The following OR51B5 variants were observed in gnomAD, a reference collection of about 807,000 sequenced individuals.
OR51B5 encodes the protein olfactory receptor 51B5.
For missense variants in OR51B5, 456 were observed against 374.6 expected, an observed-to-expected ratio of 1.22 and a Z score of -1.79; for synonymous variants, 186 against 144.8, an observed-to-expected ratio of 1.28 and a Z score of -2.04.
At chr11:5,490,090 A>C (rs1279965694) in intron 1 of OR51B5, among the ~76,000 whole-genome samples, 1 of 152,240 alleles carries the variant, frequency 6.6e-6, no homozygotes, top group African/African-American at 2.4e-5. Context: ...GTATAAAGTC[A>C]GAGTGCCTGC....
Position 5,389,362 on chromosome 11 carries a change from A to G in OR51B5, n.85-42452T>C, listed in dbSNP as rs1236129296. On this transcript the variant is annotated intron_variant and non_coding_transcript_variant, in intron 1 of 4. Coordinates refer to the OR51B5 transcript ENST00000415970. ...TAGTGAAGCTGAAGAATTAATAACC[A>G]GAAATATCCATTTATTTTCAGCTCA... 6 of 1,588,378 alleles carry G rather than the reference A, an allele frequency of 3.8e-6. No homozygotes were observed. The African/African-American group carries it at 8.1e-5, about 21-fold the overall frequency.
chr11:5,454,065 A>G (rs756291989), intron 1 of OR51B5: 2 of 1,614,026 alleles, frequency 1.2e-6, no homozygotes, highest in South Asian at 1.1e-5. Flanking sequence ...TGCTGATATC[A>G]GTATCAACAG....
At chr11:5,455,690 A>C (rs1850946954) in intron 1 of OR51B5, 1 of 152,198 alleles carries the variant, frequency 6.6e-6, no homozygotes, top group African/African-American at 2.4e-5. Flanking sequence ...GAAACCACGT[A>C]GTAGCAAAGC....
chr11:5,348,404 G>C (rs768988994), upstream of OR51B5, among the ~76,000 whole-genome samples: 26 of 152,166 alleles, frequency 1.7e-4, no homozygotes, highest in Non-Finnish European at 3.5e-4. Flanking sequence ...TAGAAGTCCA[G>C]ATAAGTGCCA....
At chr11:5,352,443 A>G in intron 1 of OR51B5, 3 of 1,572,874 alleles carry the variant, frequency 1.9e-6, no homozygotes, top group East Asian at 2.2e-5. Flanking sequence ...ACTCTAGAGC[A>G]TGACATTGTT....
At chr11:5,400,318 A>G (rs1849946950) in intron 1 of OR51B5, among the ~76,000 whole-genome samples, 1 of 152,218 alleles carries the variant, frequency 6.6e-6, no homozygotes. Context: ...TTTTCATGAT[A>G]GCAAAAATAT....
At chr11:5,366,158 G>C (rs1036786326) in intron 1 of OR51B5, among the ~76,000 whole-genome samples, 1 of 152,168 alleles carries the variant, frequency 6.6e-6, no homozygotes, top group African/African-American at 2.4e-5. Flanking sequence ...AACAGTATGT[G>C]AAGAGGATAG....
chr11:5,422,140 T>C, intron 1 of OR51B5: 1 of 1,264,022 alleles, frequency 7.9e-7, no homozygotes, highest in Non-Finnish European at 1.1e-6. Flanking sequence ...GAGATATTAT[T>C]TCTAATGTTT....
At chr11:5,372,310 A>G (rs978014502) in intron 1 of OR51B5, among the ~76,000 whole-genome samples, 1 of 151,752 alleles carries the variant, frequency 6.6e-6, no homozygotes, top group Non-Finnish European at 1.5e-5. Context: ...TTCATCATAC[A>G]ATAACTCTAT....
At chr11:5,394,089 T>G (rs1313164263) in intron 1 of OR51B5, among the ~76,000 whole-genome samples, 1 of 152,132 alleles carries the variant, frequency 6.6e-6, no homozygotes, top group Non-Finnish European at 1.5e-5. Context: ...TAGACTTGAT[T>G]TTAAGAGTTA....
chr11:5,423,697 A>G (rs1008992210), intron 1 of OR51B5, among the ~76,000 whole-genome samples: 5 of 152,168 alleles, frequency 3.3e-5, no homozygotes, highest in Non-Finnish European at 7.4e-5. Flanking sequence ...ACCAGCACTT[A>G]CCTAATCTGA....
At chr11:5,444,114 C>T (rs1345087372) in intron 1 of OR51B5, among the ~76,000 whole-genome samples, 1 of 152,128 alleles carries the variant, frequency 6.6e-6, no homozygotes, top group Non-Finnish European at 1.5e-5. Flanking sequence ...CACACAGTGT[C>T]ACAAATGCAT....
chr11:5,439,255 G>A (rs1287801814), intron 1 of OR51B5, among the ~76,000 whole-genome samples: 1 of 152,132 alleles, frequency 6.6e-6, no homozygotes, highest in East Asian at 1.9e-4. Flanking sequence ...TGACTGTGGG[G>A]TGGCTGGAAA....
chr11:5,397,136 AGGCATG>A (rs1164167246), intron 1 of OR51B5, among the ~76,000 whole-genome samples: 1 of 152,238 alleles, frequency 6.6e-6, no homozygotes, highest in African/African-American at 2.4e-5. Flanking sequence ...TTCAGGACAT[AGGCATG>A]GGCATGGACT....
chr11:5,466,603 T>C (rs777477075), intron 1 of OR51B5, among the ~76,000 whole-genome samples: 2 of 152,252 alleles, frequency 1.3e-5, no homozygotes, highest in Non-Finnish European at 2.9e-5. Context: ...TGATGTCTTT[T>C]ATTTTTGCTC....
intron 1 of OR51B5, among the ~76,000 whole-genome samples, chr11:5,369,637 T>C (rs1048834990): frequency 6.6e-5 from 10 of 152,172 alleles, no homozygotes; most frequent in African/African-American, 2.4e-4. Flanking sequence ...TATCCTTACC[T>C]TTCTATCCTC....
intron 1 of OR51B5, among the ~76,000 whole-genome samples, chr11:5,462,384 CG>C (rs1243197759): frequency 6.6e-6 from 1 of 152,100 alleles, no homozygotes; most frequent in Non-Finnish European, 1.5e-5. Context: ...AGGGGAAAGG[CG>C]AAAGGAGAAC....
At chr11:5,458,947 C>A (rs180737525) in intron 1 of OR51B5, among the ~76,000 whole-genome samples, 52 of 152,232 alleles carry the variant, frequency 3.4e-4, no homozygotes, top group African/African-American at 1.2e-3. Flanking sequence ...CCTTTTATTT[C>A]TTTCTCTTGC....
intron 1 of OR51B5, among the ~76,000 whole-genome samples, chr11:5,395,832 C>A (rs1849862004): frequency 6.6e-6 from 1 of 152,202 alleles, no homozygotes; most frequent in Admixed American, 6.5e-5. Context: ...CCTTACGCTT[C>A]ATTGTTGTCA....
Sources: allele counts gnomAD v4.1 joint callset (sites outside exome capture counted in the v4.1 genomes callset), GRCh38; gene constraint gnomAD v4.1.1; transcripts MANE v1.5; gene names NCBI Gene and HGNC (gene_info 2026-07-23, HGNC 2026-07-21).